Variants in VSIG1 observed in about 807,000 individuals in gnomAD.
VSIG1 encodes V-set and immunoglobulin domain containing 1.
VSIG1 carries 11 observed loss-of-function variants against 20.1 expected under a neutral mutation model. The observed-to-expected ratio is 0.55, with a 90% CI of 0.34 to 0.91. VSIG1 has a LOEUF of 0.91. Ranked by LOEUF, VSIG1 falls within the 40% of genes least tolerant of loss-of-function variation. The probability of loss-of-function intolerance (pLI) is 0.02; values close to 1 mark genes in which losing one functional copy is unlikely to be tolerated. For synonymous variants in VSIG1, 126 were observed against 116.7 expected (o/e 1.08, Z -0.52); for missense variants, 283 against 298.8 (o/e 0.95, Z 0.39).
rs143194418 is a variant in VSIG1, at chrX:108,076,743, C to T, written c.831-305C>T. ...TTGTACTAGATGGAGTGAGAAATAG[C>T]GATACATCAGAGCTATGAATTTGGA... is the stretch of plus-strand genomic sequence containing the variant. On this transcript the variant is annotated intron_variant, in intron 6 of 6. Transcript: ENST00000217957. 6.5e-3 allele frequency among the ~76,000 whole-genome samples: 720 copies of T among 111,549 alleles called. 6 individuals are homozygous for T. Among genetic ancestry groups the T allele is most frequent in the African/African-American group, 0.02 (605 of 30,647 alleles).
In VSIG1 at chrX:108,072,565, T is replaced by A. The variant is rs755891060; in HGVS notation, c.413-112T>A. The A allele has an allele frequency of 1.3e-3, 1,086 of 844,943 alleles. 6 individuals are homozygous for A. The East Asian group carries it at 0.014, about 11-fold the overall frequency. The allele number at this position is 844,943 out of a possible 1,213,427, so 69.6% of individuals were successfully genotyped here. The stretch of plus-strand genomic sequence containing the variant: ...ACTGCGCCTGGCCAAGAATTTTTTT[T>A]AAAAATAAATAAACACACATATTAT... On this transcript the variant is annotated intron_variant, in intron 3 of 6. Coordinates refer to ENST00000217957, the MANE Select transcript of VSIG1 (RefSeq NM_182607.5).
intron 2 of VSIG1, chrX:108,061,467 GCAGT>G (rs996686345): frequency 3.3e-5 from 39 of 1,165,030 alleles, no homozygotes; most frequent in Non-Finnish European, 4.4e-5. Flanking sequence ...GGAGGAAAAG[GCAGT>G]CAGTCAGTGT....
At chrX:108,047,713 C>A (rs2030610806) in intron 1 of VSIG1, among the ~76,000 whole-genome samples, 1 of 96,002 alleles carries the variant, frequency 1.0e-5, no homozygotes, top group South Asian at 5.0e-4. Flanking sequence ...AAAATGTTTG[C>A]CACCTTGTAG....
chrX:108,058,143 G>A lies in VSIG1; in HGVS notation c.155G>A (p.Arg52Gln), dbSNP rs753742122. 4 of 1,210,617 alleles carry A rather than the reference G, an allele frequency of 3.3e-6. No individual in the cohort carries two copies. The Admixed American group carries it at 6.5e-5, about 20-fold the overall frequency. ...ICIYTTTVAS[R>Q]EQLSIQWSFF... Reference sequence around the variant, plus strand: ...ATCTACACCACCACTGTGGCCTCCCGAGAACAGCTTTCCATCCAGTGGTCT... The same window carrying A: ...ATCTACACCACCACTGTGGCCTCCCAAGAACAGCTTTCCATCCAGTGGTCT... The change falls in exon 2 of 7, where the codon CGA (arginine) becomes CAA (glutamine). Residue 52 changes from arginine to glutamine, a missense_variant. Coordinates refer to ENST00000217957, the MANE Select transcript of VSIG1 (RefSeq NM_182607.5).
upstream of VSIG1, among the ~76,000 whole-genome samples, chrX:108,041,482 T>C (rs189678170): frequency 6.0e-3 from 664 of 111,276 alleles, 5 homozygotes; most frequent in African/African-American, 0.021. Flanking sequence ...TAAAAATACC[T>C]TTTTTAAGGG....
chrX:108,042,618 G>A (rs888788938), upstream of VSIG1, among the ~76,000 whole-genome samples: 3 of 111,459 alleles, frequency 2.7e-5, no homozygotes, highest in African/African-American at 9.8e-5. Context: ...CCCATCCCAC[G>A]TCCTCACCAC....
Position 108,076,195 on chromosome X carries a change from T to G in VSIG1, c.807T>G (p.Asn269Lys). Residue 269 changes from asparagine (N) to lysine (K), a missense_variant, in exon 6 of 7, where the codon AAT becomes AAG. Coordinates refer to ENST00000217957, the MANE Select transcript of VSIG1 (RefSeq NM_182607.5). ...CAAAAGCAAAGGCAAAAGAAAGAAA[T>G]TCTAAGACCATCGCGGAACTTGAGT... The part of the protein sequence containing the change: ...NKAKAKAKER[N>K]SKTIAELEPM... 2 of 1,209,933 alleles carry G rather than the reference T, an allele frequency of 1.7e-6. No homozygotes were observed. Among genetic ancestry groups the G allele is most frequent in the Non-Finnish European group, 2.2e-6 (2 of 894,442 alleles).
chrX:108,069,848 G>A, intron 3 of VSIG1, among the ~76,000 whole-genome samples: 1 of 111,690 alleles, frequency 9.0e-6, no homozygotes, highest in African/African-American at 3.3e-5. Context: ...TGAGGGCACA[G>A]GGGAAAGGGC....
intron 4 of VSIG1, 44 bp from the exon 5 acceptor site, chrX:108,073,206 A>T: frequency 8.4e-7 from 1 of 1,194,457 alleles, no homozygotes; most frequent in Non-Finnish European, 1.1e-6. Context: ...TGTTATCTGT[A>T]TGCACAGAAG....
Position 108,073,334 on chromosome X carries a change from G to A in VSIG1, c.653G>A (p.Gly218Asp), listed in dbSNP as rs746466888. The A allele has an allele frequency of 9.1e-6, 11 of 1,210,970 alleles. No homozygotes were observed. The highest frequency in any genetic ancestry group is 1.1e-5 in the Non-Finnish European group (10 of 895,116). ...YYQCTAINRL[G>D]NSSCEIDLTS... The stretch of plus-strand genomic sequence containing the variant: ...CAGTGTACTGCCATCAACAGACTTG[G>A]CAATAGTTCCTGCGAAATCGATCTC... The change falls in exon 5 of 7, where the codon GGC becomes GAC. Residue 218 changes from glycine to aspartate, a missense_variant. Transcript: ENST00000217957.
At position 108,076,202 on chromosome X, in the gene VSIG1, A is replaced by T; in HGVS notation, c.814A>T (p.Thr272Ser). Residue 272 changes from threonine to serine, a missense_variant, in exon 6 of 7, where the codon ACC becomes TCC. Physicochemically the swap from Thr to Ser is moderately conservative, Grantham distance 58 (BLOSUM62 1). Transcript: ENST00000217957. ...AAAGGCAAAAGAAAGAAATTCTAAG[A>T]CCATCGCGGAACTTGAGTAAGCCTT... ...KAKAKERNSK[T>S]IAELEPMTKI... 8.3e-7 allele frequency: 1 copy of T among 1,208,829 alleles called. No homozygotes were observed. The highest frequency in any genetic ancestry group is 3.0e-5 in the East Asian group (1 of 33,811).
At chrX:108,076,244 C>T (rs2031345848) in intron 6 of VSIG1, 26 bp downstream of exon 6, 4 of 1,194,041 alleles carry the variant, frequency 3.3e-6, no homozygotes, top group Non-Finnish European at 3.4e-6. Flanking sequence ...GTTGTCTTTA[C>T]TTGAATACAA....
At chrX:108,019,846 G>A in the VSIG1 span, among the ~76,000 whole-genome samples, 6 of 111,274 alleles carry the variant, frequency 5.4e-5, no homozygotes, top group Non-Finnish European at 9.4e-5. Context: ...GTTAGTCTTC[G>A]GCCAGCAAGG....
At chrX:108,061,642 A>G (rs915513062) in intron 2 of VSIG1, 10 of 626,744 alleles carry the variant, frequency 1.6e-5, no homozygotes, top group Middle Eastern at 9.1e-4. Context: ...TTTGGTAACA[A>G]TCAAGATCAG....
chrX:108,063,461 G>T (rs2031069061), intron 2 of VSIG1, among the ~76,000 whole-genome samples: 3 of 111,393 alleles, frequency 2.7e-5, no homozygotes, highest in Admixed American at 9.5e-5. Context: ...CTCTGGGTCA[G>T]ATTTGGCCAG....
At chrX:108,042,265 T>G (rs1452852928), upstream of VSIG1, among the ~76,000 whole-genome samples, 1 of 111,851 alleles carries the variant, frequency 8.9e-6, no homozygotes, top group Non-Finnish European at 1.9e-5. Context: ...ACAACAGATT[T>G]TGGTGCAGAT....
At chrX:108,047,329 T>C (rs1229560421) in intron 1 of VSIG1, among the ~76,000 whole-genome samples, 1 of 112,036 alleles carries the variant, frequency 8.9e-6, no homozygotes, top group Non-Finnish European at 1.9e-5. Context: ...CAATGACTTC[T>C]TAGGAATTCT....
At chrX:108,075,121 T>C (rs1333960586) in intron 5 of VSIG1, among the ~76,000 whole-genome samples, 1 of 111,867 alleles carries the variant, frequency 8.9e-6, no homozygotes, top group Non-Finnish European at 1.9e-5. Context: ...AAACTTGTGA[T>C]ATAACTATTT....
intron 4 of VSIG1, 75 bp from the exon 5 acceptor site, chrX:108,073,175 T>C (rs1276992950): frequency 5.4e-6 from 6 of 1,119,396 alleles, no homozygotes; most frequent in Non-Finnish European, 7.3e-6. Context: ...TGGGTGGACA[T>C]TGAGTGATCT....
Sources: allele counts gnomAD v4.1 joint callset (sites outside exome capture counted in the v4.1 genomes callset), GRCh38; gene constraint gnomAD v4.1.1; transcripts MANE v1.5; gene names NCBI Gene and HGNC (gene_info 2026-07-23, HGNC 2026-07-21).